The following SLCO5A1 variants were observed in gnomAD, a reference collection of about 807,000 sequenced individuals.
SLCO5A1 encodes organic anion transporter polypeptide-related protein 4.
SLCO5A1 carries 39 observed loss-of-function variants against 65.1 expected under a neutral mutation model. The observed-to-expected ratio is 0.60, with a 90% CI of 0.46 to 0.78. SLCO5A1 has a LOEUF of 0.78. SLCO5A1 is among the 30% of genes least tolerant of loss of function. The pLI is 0.00. For missense variants in SLCO5A1, 1,029 were observed against 1,069.4 expected, an observed-to-expected ratio of 0.96 and a Z score of 0.53; for synonymous variants, 438 against 415.7, an observed-to-expected ratio of 1.05 and a Z score of -0.65.
Position 69,668,342 on chromosome 8 carries a change from T to A in SLCO5A1, c.*4527A>T, listed in dbSNP as rs1813240081. ...TATTATGGAAGAGAAAACACAAATG[T>A]GTGGAAAGGCTACCTACTGGTCTGT... is the stretch of plus-strand genomic sequence containing the variant. On this transcript the variant is annotated 3_prime_UTR_variant, in exon 10 of 10. Transcript: ENST00000260126. The A allele has an allele frequency of 6.6e-6, 1 of 152,190 alleles. No homozygotes were observed. The highest frequency in any genetic ancestry group is 1.5e-5 in the Non-Finnish European group (1 of 68,042). The allele number at this position is 152,190 out of a possible 1,614,324, so 9.4% of individuals were successfully genotyped here.
Position 69,671,177 on chromosome 8 carries a change from T to G in SLCO5A1, c.*1692A>C, listed in dbSNP as rs1175338067. ...TCTAACAGTGTTAACACAAACTGTATGCAACCAAGAGAACTGTTTGACCAA... is the reference window on the plus strand; with the variant it reads ...TCTAACAGTGTTAACACAAACTGTAGGCAACCAAGAGAACTGTTTGACCAA... On this transcript the variant is annotated 3_prime_UTR_variant, in exon 10 of 10. Transcript: ENST00000260126. 1.3e-5 allele frequency: 2 copies of G among 152,190 alleles called. No individual in the cohort carries two copies. The highest frequency in any genetic ancestry group is 3.2e-3 in the Middle Eastern group (1 of 316). The allele number at this position is 152,190 out of a possible 1,614,324, so 9.4% of individuals were successfully genotyped here.
At chr8:69,819,924 C>T (rs1400999811) in intron 2 of SLCO5A1, among the ~76,000 whole-genome samples, 1 of 152,172 alleles carries the variant, frequency 6.6e-6, no homozygotes, top group Non-Finnish European at 1.5e-5. Flanking sequence ...GATTGCACTA[C>T]TGAACTCCAG....
chr8:69,788,483 AT>A (rs1315362165), intron 2 of SLCO5A1, among the ~76,000 whole-genome samples: 2 of 152,082 alleles, frequency 1.3e-5, no homozygotes, highest in African/African-American at 2.4e-5. Flanking sequence ...ACTAATTTGG[AT>A]TCGGTCTTAT....
intron 4 of SLCO5A1, among the ~76,000 whole-genome samples, chr8:69,752,436 T>TAAA (rs5892216): frequency 2.0e-5 from 3 of 146,714 alleles, no homozygotes. Flanking sequence ...TCAGCTTTGT[T>TAAA]AAAAAAAAAA....
intron 3 of SLCO5A1, among the ~76,000 whole-genome samples, chr8:69,755,912 C>A (rs1338355013): frequency 6.6e-6 from 1 of 152,104 alleles, no homozygotes; most frequent in Non-Finnish European, 1.5e-5. Context: ...TTTTTGAGCA[C>A]CAATGAGTTA....
intron 2 of SLCO5A1, among the ~76,000 whole-genome samples, chr8:69,803,857 G>A (rs1426554581): frequency 2.0e-5 from 3 of 152,128 alleles, no homozygotes; most frequent in South Asian, 2.1e-4. Context: ...CCAGAGGGTC[G>A]CTTGAGCCCC....
At position 69,668,283 on chromosome 8, in the gene SLCO5A1, C is replaced by T. The variant is rs1813238318; in HGVS notation, c.*4586G>A. The T allele has an allele frequency of 6.6e-6, 1 of 152,132 alleles. No individual in the cohort carries two copies. Among genetic ancestry groups the T allele is most frequent in the African/African-American group, 2.4e-5 (1 of 41,424 alleles). The allele number at this position is 152,132 out of a possible 1,614,324, so 9.4% of individuals were successfully genotyped here. A position where few individuals can be genotyped will look rare whatever the true frequency, so the allele number is the denominator to read the frequency against. ...AGACAAAAAGATAAAGTGCATGAGG[C>T]AACTACCTTTGCCTGCCAGCCGCAG... On this transcript the variant is annotated 3_prime_UTR_variant, in exon 10 of 10. Coordinates refer to ENST00000260126, the MANE Select transcript of SLCO5A1 (RefSeq NM_030958.3).
chr8:69,795,670 G>A (rs1367504536), intron 2 of SLCO5A1, among the ~76,000 whole-genome samples: 2 of 152,226 alleles, frequency 1.3e-5, no homozygotes, highest in African/African-American at 2.4e-5. Context: ...CTATTCTGGG[G>A]TCTGGAGGAT....
chr8:69,737,067 T>C (rs1248636126), intron 5 of SLCO5A1, among the ~76,000 whole-genome samples: 1 of 152,242 alleles, frequency 6.6e-6, no homozygotes, highest in Non-Finnish European at 1.5e-5. Context: ...AGCAGTGTAT[T>C]CTTTATAAAA....
chr8:69,777,454 G>T (rs1014216465), intron 2 of SLCO5A1, among the ~76,000 whole-genome samples: 3 of 144,916 alleles, frequency 2.1e-5, no homozygotes, highest in Admixed American at 7.2e-5. Flanking sequence ...GGCAATGTTG[G>T]ATCTGGATCT....
Position 69,790,879 on chromosome 8 carries a change from C to A in SLCO5A1, c.908-29004G>T, listed in dbSNP as rs185788804. On this transcript the variant is annotated intron_variant, in intron 2 of 9. Coordinates refer to ENST00000260126, the MANE Select transcript of SLCO5A1 (RefSeq NM_030958.3). ...ACTGCTGCCCAGGAAGACTGAGTAA[C>A]AACTGAGTGAGTAGAACCAGAAAGA... 1.1e-4 allele frequency among the ~76,000 whole-genome samples: 16 copies of A among 152,258 alleles called. No homozygotes were observed. The East Asian group carries it at 2.9e-3, about 28-fold the overall frequency.
chr8:69,794,848 G>A (rs1317929823), intron 2 of SLCO5A1: 3 of 155,352 alleles, frequency 1.9e-5, no homozygotes, highest in Non-Finnish European at 4.3e-5. Context: ...TCAGCTTTAG[G>A]GTAGGCCTCA....
intron 4 of SLCO5A1, among the ~76,000 whole-genome samples, chr8:69,741,059 C>T (rs1454412736): frequency 6.6e-6 from 1 of 151,828 alleles, no homozygotes; most frequent in Non-Finnish European, 1.5e-5. Context: ...AGGTGACACT[C>T]TGCTTTCTTG....
intron 2 of SLCO5A1, among the ~76,000 whole-genome samples, chr8:69,770,233 T>C (rs1291069653): frequency 2.0e-5 from 3 of 152,172 alleles, no homozygotes; most frequent in African/African-American, 4.8e-5. Context: ...GTTACAAATA[T>C]CTAGCTGAGA....
rs115133847 is a variant in SLCO5A1, at chr8:69,742,427, T to C, written c.1259-4223A>G. Among the ~76,000 whole-genome samples the C allele has an allele frequency of 8.9e-3, 1,360 of 152,312 alleles. 29 individuals are homozygous for C. Among genetic ancestry groups the C allele is most frequent in the African/African-American group, 0.031 (1,272 of 41,558 alleles). On this transcript the variant is annotated intron_variant, in intron 4 of 9. Transcript: ENST00000260126. The stretch of plus-strand genomic sequence containing the variant: ...AATGACAGTGATTATCAATTTTTGA[T>C]CATTTAATGCTAGGAAATCTTACAA...
chr8:69,824,257 G>A (rs1038853018), intron 2 of SLCO5A1, among the ~76,000 whole-genome samples: 19 of 151,782 alleles, frequency 1.3e-4, no homozygotes, highest in African/African-American at 4.6e-4. Context: ...GCTAGCAGAA[G>A]GCAAGAAATA....
rs10448033 is a variant in SLCO5A1 at position 69,676,506 on chromosome 8, T to C, written c.2089+103A>G. 120,130 of 926,734 alleles carry C rather than the reference T, an allele frequency of 0.13. 8,573 individuals are homozygous for C. Among genetic ancestry groups the C allele is most frequent in the Non-Finnish European group, 0.15 (88,391 of 595,850 alleles). 57.4% of individuals were successfully genotyped at this position (926,734 alleles called of 1,614,324 possible). A position where few individuals can be genotyped will look rare whatever the true frequency, so the allele number is the denominator to read the frequency against. On this transcript the variant is annotated intron_variant, in intron 9 of 9. Coordinates refer to ENST00000260126, the MANE Select transcript of SLCO5A1 (RefSeq NM_030958.3). The stretch of plus-strand genomic sequence containing the variant: ...CTCACCACTAGCCTGTAAAATCTTA[T>C]TCATGGTAATAAATGACATGACTTG...
chr8:69,750,145 G>T (rs190775183), intron 4 of SLCO5A1, among the ~76,000 whole-genome samples: 2 of 152,182 alleles, frequency 1.3e-5, no homozygotes, highest in Non-Finnish European at 2.9e-5. Context: ...AGGTCATAAA[G>T]GAGTGGACTT....
chr8:69,744,512 C>G (rs980231261), intron 4 of SLCO5A1, among the ~76,000 whole-genome samples: 9 of 152,294 alleles, frequency 5.9e-5, no homozygotes, highest in Non-Finnish European at 1.2e-4. Context: ...TCTCTGTGCT[C>G]CCATGTACTT....
Sources: allele counts gnomAD v4.1 joint callset (sites outside exome capture counted in the v4.1 genomes callset), GRCh38; gene constraint gnomAD v4.1.1; transcripts MANE v1.5; gene names NCBI Gene and HGNC (gene_info 2026-07-23, HGNC 2026-07-21).